Variants in PRKCE observed in about 807,000 individuals in gnomAD.
PRKCE encodes protein kinase C epsilon type.
In PRKCE, 16 loss-of-function variants were observed where a neutral mutation model predicts 85.4. The observed-to-expected ratio is 0.19, with a 90% CI of 0.13 to 0.28. The LOEUF is 0.28. Ranked by LOEUF, PRKCE falls within the 10% of genes least tolerant of loss-of-function variation. The pLI is 1.00. For missense variants in PRKCE, 573 were observed against 975.2 expected (o/e 0.59, Z 5.49); for synonymous variants, 388 against 371.5 (o/e 1.04, Z -0.51).
intron 6 of PRKCE, among the ~76,000 whole-genome samples, chr2:45,989,510 C>G (rs901648296): frequency 2.0e-5 from 3 of 152,190 alleles, no homozygotes; most frequent in Non-Finnish European, 4.4e-5. Flanking sequence ...TTAACCCCAA[C>G]TGCCCTCTTC....
At chr2:45,854,481 G>A (rs1692522739) in intron 2 of PRKCE, among the ~76,000 whole-genome samples, 1 of 152,182 alleles carries the variant, frequency 6.6e-6, no homozygotes, top group Non-Finnish European at 1.5e-5. Flanking sequence ...TCATGATGAG[G>A]TATAGTGGGA....
chr2:45,951,055 C>T (rs937589732), intron 2 of PRKCE, among the ~76,000 whole-genome samples: 2 of 152,202 alleles, frequency 1.3e-5, no homozygotes, highest in East Asian at 3.8e-4. Flanking sequence ...CTGCCCACAG[C>T]TTAATGCTCG....
chr2:46,075,849 G>T (rs755813285), intron 10 of PRKCE, among the ~76,000 whole-genome samples: 4 of 152,252 alleles, frequency 2.6e-5, no homozygotes, highest in Non-Finnish European at 5.9e-5. Context: ...TCTGCAAGAT[G>T]ATCAGGACAC....
intron 1 of PRKCE, among the ~76,000 whole-genome samples, chr2:45,833,174 A>G (rs1690578506): frequency 6.6e-6 from 1 of 152,024 alleles, no homozygotes; most frequent in Admixed American, 6.5e-5. Flanking sequence ...GAAAGAAAAA[A>G]TAACTGAATA....
At chr2:45,748,070 T>C (rs1386397915) in intron 1 of PRKCE, among the ~76,000 whole-genome samples, 1 of 152,226 alleles carries the variant, frequency 6.6e-6, no homozygotes, top group African/African-American at 2.4e-5. Flanking sequence ...AGATATTAAC[T>C]CCTTATCAGG....
intron 1 of PRKCE, among the ~76,000 whole-genome samples, chr2:45,766,532 A>G (rs966326284): frequency 1.3e-5 from 2 of 152,198 alleles, no homozygotes; most frequent in Non-Finnish European, 2.9e-5. Flanking sequence ...GAGATAGTTG[A>G]GGGAAGCATG....
intron 11 of PRKCE, among the ~76,000 whole-genome samples, chr2:46,135,302 C>T (rs1206154522): frequency 2.6e-5 from 4 of 152,176 alleles, no homozygotes; most frequent in Admixed American, 6.5e-5. Flanking sequence ...AAAGGGCGGG[C>T]GTGTGGACAC....
intron 2 of PRKCE, among the ~76,000 whole-genome samples, chr2:45,874,397 G>A (rs935996931): frequency 6.6e-6 from 1 of 152,188 alleles, no homozygotes; most frequent in African/African-American, 2.4e-5. Flanking sequence ...CCTCCTGTCC[G>A]GCCATCCTCA....
intron 1 of PRKCE, among the ~76,000 whole-genome samples, chr2:45,765,282 T>G (rs182660371): frequency 6.6e-6 from 1 of 152,370 alleles, no homozygotes; most frequent in Non-Finnish European, 1.5e-5. Flanking sequence ...GAATAAGCTT[T>G]CTGAAGAGGT....
chr2:45,900,506 G>A (rs1345608964), intron 2 of PRKCE, among the ~76,000 whole-genome samples: 1 of 152,208 alleles, frequency 6.6e-6, no homozygotes, highest in Non-Finnish European at 1.5e-5. Context: ...TGTAAAATAA[G>A]CCAGTCACAA....
At chr2:46,169,206 G>T (rs1049610429) in intron 14 of PRKCE, among the ~76,000 whole-genome samples, 5 of 152,184 alleles carry the variant, frequency 3.3e-5, no homozygotes, top group Non-Finnish European at 7.3e-5. Context: ...GCACTTGGGG[G>T]ATCAGTGCCT....
At chr2:45,928,893 C>T (rs931689793) in intron 2 of PRKCE, among the ~76,000 whole-genome samples, 2 of 152,142 alleles carry the variant, frequency 1.3e-5, no homozygotes, top group East Asian at 1.9e-4. Flanking sequence ...TTTTGTACCC[C>T]GAGGCTGGGA....
chr2:45,846,496 C>T (rs77015776), intron 2 of PRKCE, among the ~76,000 whole-genome samples: 3 of 152,244 alleles, frequency 2.0e-5, no homozygotes, highest in South Asian at 4.1e-4. Context: ...AACTGTTTCT[C>T]CAACAAAATA....
intron 10 of PRKCE, among the ~76,000 whole-genome samples, chr2:46,042,654 A>G (rs981950043): frequency 1.3e-5 from 2 of 152,156 alleles, no homozygotes; most frequent in Non-Finnish European, 2.9e-5. Flanking sequence ...CCTGAGTGGT[A>G]TTCTCTTAAG....
At chr2:45,843,101 T>C (rs1363169672) in intron 2 of PRKCE, 38 bp downstream of exon 2, 2 of 1,583,652 alleles carry the variant, frequency 1.3e-6, no homozygotes, top group South Asian at 1.1e-5. Flanking sequence ...TTTTCTTCCA[T>C]TGGCCCTTTG....
At chr2:45,997,596 G>A (rs1704322086) in intron 6 of PRKCE, among the ~76,000 whole-genome samples, 1 of 151,802 alleles carries the variant, frequency 6.6e-6, no homozygotes, top group Non-Finnish European at 1.5e-5. Context: ...ACCCAGGCTG[G>A]AGTGCAGTGG....
At chr2:45,927,495 G>A (rs1698721685) in intron 2 of PRKCE, among the ~76,000 whole-genome samples, 2 of 152,158 alleles carry the variant, frequency 1.3e-5, no homozygotes, top group African/African-American at 2.4e-5. Context: ...AAAGCCACAG[G>A]CATCCAGGTC....
chr2:45,711,515 T>C (rs1378360952), intron 1 of PRKCE, among the ~76,000 whole-genome samples: 1 of 152,252 alleles, frequency 6.6e-6, no homozygotes, highest in African/African-American at 2.4e-5. Flanking sequence ...GAATTAGCAT[T>C]TGTAAAGCAC....
At chr2:45,917,736 G>A (rs1326507618) in intron 2 of PRKCE, among the ~76,000 whole-genome samples, 1 of 152,224 alleles carries the variant, frequency 6.6e-6, no homozygotes, top group Admixed American at 6.5e-5. Flanking sequence ...CGCTCGTCGG[G>A]GAGGCTCCGG....
Sources: allele counts gnomAD v4.1 joint callset (sites outside exome capture counted in the v4.1 genomes callset), GRCh38; gene constraint gnomAD v4.1.1; transcripts MANE v1.5; gene names NCBI Gene and HGNC (gene_info 2026-07-23, HGNC 2026-07-21).